The following NAMPT variants were observed in gnomAD, a reference collection of about 807,000 sequenced individuals.
NAMPT encodes the protein nicotinamide phosphoribosyltransferase.
A neutral mutation model predicts 58.7 loss-of-function variants in NAMPT; 7 were observed. The observed-to-expected ratio is 0.12, with a 90% CI of 0.07 to 0.22. The LOEUF (loss-of-function observed/expected upper bound fraction) is 0.22. Among genes scored for constraint, NAMPT ranks in the 10% least tolerant of loss-of-function variants. NAMPT has a pLI of 1.00. For synonymous variants in NAMPT, 145 were observed against 198.1 expected (o/e 0.73, Z 2.25); for missense variants, 271 against 567.9 (o/e 0.48, Z 5.31).
At chr7:106,267,876 A>AAAAAAACAAAAAAAAAC (rs1189395299) in intron 6 of NAMPT, among the ~76,000 whole-genome samples, 1 of 130,456 alleles carries the variant, frequency 7.7e-6, no homozygotes, top group Non-Finnish European at 1.7e-5. Flanking sequence ...AAAAAAAAAA[A>AAAAAAACAAAAAAAAAC]CAACCTGATT....
chr7:106,277,217 T>C lies in NAMPT; in HGVS notation c.58-38A>G, dbSNP rs770969787. ...ATACACTTCTGTTAGAAAACACCGATGAGTAGACTATAAATCACAACAGAA... is the reference window on the plus strand; with the variant it reads ...ATACACTTCTGTTAGAAAACACCGACGAGTAGACTATAAATCACAACAGAA... On this transcript the variant is annotated intron_variant, in intron 1 of 10. Coordinates refer to ENST00000222553, the MANE Select transcript of NAMPT (RefSeq NM_005746.3). 13 of 1,515,686 alleles carry C rather than the reference T, an allele frequency of 8.6e-6. No individual in the cohort carries two copies. In the South Asian group the frequency reaches 1.1e-4, roughly 13 times the overall value. 93.9% of individuals were successfully genotyped at this position (1,515,686 alleles called of 1,614,324 possible).
At chr7:106,283,646 T>C (rs1792807245) in intron 1 of NAMPT, among the ~76,000 whole-genome samples, 1 of 152,210 alleles carries the variant, frequency 6.6e-6, no homozygotes, top group Non-Finnish European at 1.5e-5. Flanking sequence ...AGAATCATAC[T>C]TGATAGTGTT....
At position 106,268,520 on chromosome 7, in the gene NAMPT, T is replaced by A. The variant is rs1792471823; in HGVS notation, c.687A>T (p.Lys229Asn). Residue 229 changes from lysine to asparagine, a missense_variant, in exon 6 of 11, where the codon AAA becomes AAT. Physicochemically the swap from Lys to Asn is moderately conservative, Grantham distance 94. Transcript: ENST00000222553. The stretch of plus-strand genomic sequence containing the variant: ...GAACAGGATCTTTCGTTCCATAATA[T>A]TTTTTAATTAGAGCAAGTCCTGCTA... Reference protein sequence around the residue: ...DTVAGLALIKKYYGTKDPVPG... With the variant: ...DTVAGLALIKNYYGTKDPVPG... The A allele has an allele frequency of 6.2e-7, 1 of 1,613,416 alleles. No homozygotes were observed. The highest frequency in any genetic ancestry group is 1.3e-5 in the African/African-American group (1 of 74,916).
intron 3 of NAMPT, among the ~76,000 whole-genome samples, chr7:106,273,111 GAAAAC>G (rs1792568844): frequency 6.6e-6 from 1 of 152,158 alleles, no homozygotes; most frequent in Admixed American, 6.5e-5. Context: ...AAGAACAAAA[GAAAAC>G]AAAACGAGAG....
At chr7:106,279,520 A>G (rs1421916287) in intron 1 of NAMPT, among the ~76,000 whole-genome samples, 2 of 152,232 alleles carry the variant, frequency 1.3e-5, no homozygotes, top group Non-Finnish European at 2.9e-5. Context: ...AAGGATTTAT[A>G]ATGATTCTAG....
upstream of NAMPT, chr7:106,285,206 C>CG (rs1792851326): frequency 9.9e-7 from 1 of 1,013,456 alleles, no homozygotes; most frequent in Non-Finnish European, 1.1e-6. Context: ...CTGCGCAGTG[C>CG]GCGGAGGCGG....
intron 1 of NAMPT, among the ~76,000 whole-genome samples, chr7:106,281,777 G>C (rs1367426982): frequency 6.6e-6 from 1 of 152,142 alleles, no homozygotes; most frequent in African/African-American, 2.4e-5. Flanking sequence ...TGGGGAAGGA[G>C]AGAAATTGCA....
chr7:106,267,872 AAAAAC>A (rs1204579170), intron 6 of NAMPT, among the ~76,000 whole-genome samples: 24 of 136,264 alleles, frequency 1.8e-4, no homozygotes, highest in East Asian at 6.2e-4. Flanking sequence ...AAAAAAAAAA[AAAAAC>A]AACCTGATTT....
At chr7:106,283,579 T>C (rs1416243650) in intron 1 of NAMPT, among the ~76,000 whole-genome samples, 2 of 152,170 alleles carry the variant, frequency 1.3e-5, no homozygotes. Flanking sequence ...GAGGAGGTTT[T>C]AGGACCAAGT....
At chr7:106,280,356 T>C (rs551130168) in intron 1 of NAMPT, among the ~76,000 whole-genome samples, 4 of 152,186 alleles carry the variant, frequency 2.6e-5, no homozygotes, top group Non-Finnish European at 5.9e-5. Flanking sequence ...GGCTATCAAA[T>C]GGTAGGGAAA....
chr7:106,261,307 G>C (rs1792296821), intron 8 of NAMPT, among the ~76,000 whole-genome samples: 1 of 152,032 alleles, frequency 6.6e-6, no homozygotes, highest in East Asian at 1.9e-4. Context: ...TATATTCCAA[G>C]GAATATTTCT....
intron 6 of NAMPT, among the ~76,000 whole-genome samples, chr7:106,266,923 G>A (rs890131475): frequency 2.6e-5 from 4 of 152,100 alleles, no homozygotes; most frequent in East Asian, 1.9e-4. Flanking sequence ...AAATATGAGC[G>A]CCCTTACTAA....
intron 10 of NAMPT, among the ~76,000 whole-genome samples, chr7:106,251,689 C>G (rs1224994837): frequency 6.6e-6 from 1 of 152,062 alleles, no homozygotes; most frequent in South Asian, 2.1e-4. Context: ...AGCCAAAAGC[C>G]AATCCCAAAA....
At position 106,274,937 on chromosome 7, in the gene NAMPT, A is replaced by G. The variant is rs1409667833; in HGVS notation, c.318+9T>C. On this transcript the variant is annotated intron_variant, in intron 3 of 10. Coordinates refer to ENST00000222553, the MANE Select transcript of NAMPT (RefSeq NM_005746.3). ...CCAAAACAGATCAAAAGATGAAACC[A>G]TCTTTTACCTCAAGAATGTAGTTCC... 6.4e-7 allele frequency: 1 copy of G among 1,550,994 alleles called. No homozygotes were observed. The highest frequency in any genetic ancestry group is 1.1e-5 in the South Asian group (1 of 87,676).
chr7:106,284,888 G>T lies in NAMPT; in HGVS notation c.-4C>A. The T allele has an allele frequency of 6.3e-7, 1 of 1,583,506 alleles. No individual in the cohort carries two copies. The highest frequency in any genetic ancestry group is 2.3e-5 in the East Asian group (1 of 43,472). On this transcript the variant is annotated 5_prime_UTR_variant, in exon 1 of 11. Transcript: ENST00000222553. Reference sequence around the variant, plus strand: ...CGGCTTCTGCCGCAGGATTCATCTCGGGCCGGAGGACAGGGGCCGCGCGCC... The same window carrying T: ...CGGCTTCTGCCGCAGGATTCATCTCTGGCCGGAGGACAGGGGCCGCGCGCC...
intron 8 of NAMPT, among the ~76,000 whole-genome samples, chr7:106,254,766 G>A (rs747586252): frequency 6.6e-6 from 1 of 152,136 alleles, no homozygotes; most frequent in African/African-American, 2.4e-5. Context: ...GGGAGTGAAG[G>A]AAATGAGAGA....
At chr7:106,259,057 G>C (rs1792258694) in intron 8 of NAMPT, among the ~76,000 whole-genome samples, 1 of 152,200 alleles carries the variant, frequency 6.6e-6, no homozygotes, top group African/African-American at 2.4e-5. Context: ...GATATTCGAA[G>C]TCCTTTGTTG....
At chr7:106,253,737 G>T (rs1792144700) in intron 9 of NAMPT, 1 of 153,416 alleles carries the variant, frequency 6.5e-6, no homozygotes, top group Admixed American at 6.5e-5. Context: ...GAAACAAGTG[G>T]CAGTGGAACA....
chr7:106,267,990 G>A (rs1277671168), intron 6 of NAMPT, among the ~76,000 whole-genome samples: 2 of 150,970 alleles, frequency 1.3e-5, no homozygotes, highest in Admixed American at 6.6e-5. Context: ...ACAAGGAAGC[G>A]TAAAAAGAAT....
Sources: gnomAD v4.1 joint callset for allele counts (sites outside exome capture counted in the v4.1 genomes callset) on GRCh38, gnomAD v4.1.1 for gene constraint, MANE v1.5 for transcripts, NCBI Gene and HGNC (gene_info 2026-07-23, HGNC 2026-07-21) for gene names.